VPS52: variants seen among roughly 807,000 people sequenced by gnomAD.
The protein encoded by VPS52 is vacuolar protein sorting-associated protein 52 homolog.
In VPS52, 56 loss-of-function variants were observed where a neutral mutation model predicts 98.7. The observed-to-expected ratio is 0.57, with a 90% CI of 0.46 to 0.71. The LOEUF (loss-of-function observed/expected upper bound fraction) is 0.71. Among genes scored for constraint, VPS52 ranks in the 30% least tolerant of loss-of-function variants. The pLI is 0.00. For missense variants in VPS52, 742 were observed against 925.9 expected, an observed-to-expected ratio of 0.80 and a Z score of 2.58; for synonymous variants, 348 against 346.4, an observed-to-expected ratio of 1.00 and a Z score of -0.05.
intron 17 of VPS52, among the ~76,000 whole-genome samples, chr6:33,253,143 T>TA (rs1290936436): frequency 6.6e-6 from 1 of 151,906 alleles, no homozygotes; most frequent in Non-Finnish European, 1.5e-5. Flanking sequence ...ATCTATAGAC[T>TA]AAAAAAAGAC....
intron 13 of VPS52, 37 bp downstream of exon 13, chr6:33,264,745 G>C (rs6935726): frequency 1.3e-6 from 2 of 1,579,672 alleles, no homozygotes; most frequent in African/African-American, 1.3e-5. Context: ...AAGAGAGTTC[G>C]TGGCCTGTTG....
chr6:33,256,266 A>T lies in VPS52; in HGVS notation c.1795-4295T>A, dbSNP rs1233300245. 2.6e-5 allele frequency among the ~76,000 whole-genome samples: 4 copies of T among 151,936 alleles called. No individual in the cohort carries two copies. In the Middle Eastern group the frequency reaches 0.01, roughly 390 times the overall value. On this transcript the variant is annotated intron_variant, in intron 17 of 19. Transcript: ENST00000445902. ...ACATCTGTAATCCCAGTTTAGTGAG[A>T]CACTACAAAAAATTAAATTTTTAAA... is the stretch of plus-strand genomic sequence containing the variant.
chr6:33,251,667 G>C, intron 18 of VPS52, 31 bp from the exon 19 acceptor site: 3 of 1,556,072 alleles, frequency 1.9e-6, no homozygotes, highest in Non-Finnish European at 1.8e-6. Context: ...TGTCAGAGAG[G>C]GATCTGGCTG....
At position 33,270,290 on chromosome 6, in the gene VPS52, A is replaced by T; in HGVS notation, c.91-7T>A. On this transcript the variant is annotated splice_polypyrimidine_tract_variant and splice_region_variant and intron_variant, in intron 1 of 19. Coordinates refer to ENST00000445902, the MANE Select transcript of VPS52 (RefSeq NM_022553.6). ...GGAGCCCAGGACCACCCGCCTGGAA[A>T]GGGATAAGTTAATGGGAGTAGGGTA... 6.2e-7 allele frequency: 1 copy of T among 1,610,564 alleles called. No individual in the cohort carries two copies. The highest frequency in any genetic ancestry group is 8.5e-7 in the Non-Finnish European group (1 of 1,177,026).
At chr6:33,265,028 A>G in intron 12 of VPS52, 128 bp from the exon 13 acceptor site, 1 of 839,006 alleles carries the variant, frequency 1.2e-6, no homozygotes, top group East Asian at 2.4e-5. Context: ...AGAGACGTAA[A>G]ATGGAACTGC....
At position 33,264,080 on chromosome 6, in the gene VPS52, G is replaced by A; in HGVS notation, c.1548C>T (p.Phe516=). ...GGTTGATACTGACAAGAGCGGAGGA[G>A]AACTCTGCATAGCGGCGTGTGATCT... ...PHYITRRYAE[F]SSALVSINQT... The change falls in exon 15 of 20, where the codon TTC becomes TTT. Residue 516 remains phenylalanine, a synonymous_variant. Transcript: ENST00000445902. The A allele has an allele frequency of 1.2e-6, 2 of 1,614,196 alleles. No individual in the cohort carries two copies. Among genetic ancestry groups the A allele is most frequent in the Non-Finnish European group, 1.7e-6 (2 of 1,180,044 alleles).
In VPS52 at chr6:33,268,714, G is replaced by T; in HGVS notation, c.549-65C>A. On this transcript the variant is annotated intron_variant, in intron 6 of 19. Transcript: ENST00000445902. This position sits in a 1 kb window ranked among gnomAD's most constrained non-coding sequence, Gnocchi z 4.0. ...CCCAGACATCCCTAAACCAGACCCA[G>T]ACCACACTCCTTACCTCCAGCCCCT... The T allele has an allele frequency of 6.6e-7, 1 of 1,519,002 alleles. No individual in the cohort carries two copies. The highest frequency in any genetic ancestry group is 1.2e-5 in the South Asian group (1 of 80,632). The allele number at this position is 1,519,002 out of a possible 1,614,324, so 94.1% of individuals were successfully genotyped here. A position where few individuals can be genotyped will look rare whatever the true frequency, so the allele number is the denominator to read the frequency against.
chr6:33,267,527 T>G lies in VPS52; in HGVS notation c.991+155A>C. 1 of 1,191,140 alleles carries G rather than the reference T, an allele frequency of 8.4e-7. No homozygotes were observed. The highest frequency in any genetic ancestry group is 1.5e-5 in the South Asian group (1 of 68,158). The allele number at this position is 1,191,140 out of a possible 1,614,324, so 73.8% of individuals were successfully genotyped here. On this transcript the variant is annotated intron_variant, in intron 10 of 19. Coordinates refer to ENST00000445902, the MANE Select transcript of VPS52 (RefSeq NM_022553.6). This position sits in a 1 kb window ranked among gnomAD's most constrained non-coding sequence, Gnocchi z 4.2. ...TGCAAAACTATGTGTCAAAATAATG[T>G]GTGCATCTTTCTGGGGAGGGAGGCT...
Position 33,268,577 on chromosome 6 carries a change from G to C in VPS52, c.621C>G (p.Ala207=). 4.3e-6 allele frequency: 7 copies of C among 1,612,146 alleles called. No individual in the cohort carries two copies. Among genetic ancestry groups the C allele is most frequent in the Non-Finnish European group, 5.9e-6 (7 of 1,179,952 alleles). ...CTCTAGCTTCCTGCTCTCTGACTGC[G>C]GCTGCCTTGGCATCCAGCTCCTGTA... ...EQLQELDAKA[A]AVREQEARGT... Residue 207 remains alanine (A), a synonymous_variant, in exon 7 of 20, where the codon GCC becomes GCG. Coordinates refer to ENST00000445902, the MANE Select transcript of VPS52 (RefSeq NM_022553.6). This position sits in a 1 kb window ranked among gnomAD's most constrained non-coding sequence, Gnocchi z 4.0.
intron 1 of VPS52, 151 bp downstream of exon 1, chr6:33,271,435 C>T: frequency 8.8e-7 from 1 of 1,131,024 alleles, no homozygotes; most frequent in South Asian, 1.3e-5. Context: ...CGCTCAGGGT[C>T]GGGTCTGATC....
rs766745882 is a variant in VPS52 at position 33,267,778 on chromosome 6, C to T, written c.934-39G>A. On this transcript the variant is annotated intron_variant, in intron 9 of 19. Transcript: ENST00000445902. This position sits in a 1 kb window ranked among gnomAD's most constrained non-coding sequence, Gnocchi z 4.2. ...AAAGAGAACTGATAACCGTCTCTTC[C>T]CACAACACAATAAAATATTCCTTGC... The T allele has an allele frequency of 1.9e-6, 3 of 1,612,924 alleles. No homozygotes were observed. Among genetic ancestry groups the T allele is most frequent in the South Asian group, 1.1e-5 (1 of 91,074 alleles).
chr6:33,270,381 T>A, intron 1 of VPS52, 98 bp from the exon 2 acceptor site: 1 of 1,142,320 alleles, frequency 8.8e-7, no homozygotes, highest in Non-Finnish European at 1.3e-6. Flanking sequence ...AAGGAGCTGC[T>A]TTTACTGGGA....
intron 12 of VPS52, 73 bp from the exon 13 acceptor site, chr6:33,264,973 C>T (rs1350113553): frequency 1.3e-5 from 17 of 1,322,928 alleles, no homozygotes; most frequent in South Asian, 9.4e-5. Flanking sequence ...TATGAACAAA[C>T]GCATTTGTTT....
At position 33,270,294 on chromosome 6, in the gene VPS52, A is replaced by G. The variant is rs1340394882; in HGVS notation, c.91-11T>C. ...CCCAGGACCACCCGCCTGGAAAGGG[A>G]TAAGTTAATGGGAGTAGGGTACGGT... On this transcript the variant is annotated splice_polypyrimidine_tract_variant and intron_variant, in intron 1 of 19. Transcript: ENST00000445902. 7 of 1,610,018 alleles carry G rather than the reference A, an allele frequency of 4.3e-6. No individual in the cohort carries two copies. The highest frequency in any genetic ancestry group is 1.3e-5 in the African/African-American group (1 of 74,962).
Position 33,268,328 on chromosome 6 carries a change from T to C in VPS52, c.700-120A>G. ...AAGGGTGGTGAATATCTCTTTGGTA[T>C]TTCTCAAGATTTTCAGGGAAACCCA... On this transcript the variant is annotated intron_variant, in intron 7 of 19. Coordinates refer to ENST00000445902, the MANE Select transcript of VPS52 (RefSeq NM_022553.6). The surrounding 1 kb of genome is among the most constrained non-coding windows in gnomAD (Gnocchi z 4.0). 1 of 1,341,472 alleles carries C rather than the reference T, an allele frequency of 7.5e-7. No individual in the cohort carries two copies. Among genetic ancestry groups the C allele is most frequent in the Non-Finnish European group, 1.0e-6 (1 of 962,978 alleles). The allele number at this position is 1,341,472 out of a possible 1,614,324, so 83.1% of individuals were successfully genotyped here. A position where few individuals can be genotyped will look rare whatever the true frequency, so the allele number is the denominator to read the frequency against.
chr6:33,258,126 G>C (rs1276593405), intron 17 of VPS52, among the ~76,000 whole-genome samples: 1 of 152,128 alleles, frequency 6.6e-6, no homozygotes, highest in African/African-American at 2.4e-5. Flanking sequence ...GGTGGCTCAT[G>C]CCTGTAATCC....
Position 33,263,757 on chromosome 6 carries a change from A to G in VPS52, c.1728+15T>C. On this transcript the variant is annotated intron_variant, in intron 16 of 19. Coordinates refer to ENST00000445902, the MANE Select transcript of VPS52 (RefSeq NM_022553.6). ...TTTTCTGGGTAGGAAGGCAAGGAGA[A>G]GGAGCACCTATTACCATCAGCACAC... 1.7e-5 allele frequency: 27 copies of G among 1,614,106 alleles called. No homozygotes were observed. Among genetic ancestry groups the G allele is most frequent in the Non-Finnish European group, 2.3e-5 (27 of 1,179,934 alleles).
rs1764357779 is a variant in VPS52 at position 33,266,692 on chromosome 6, G to A, written c.1146C>T (p.Phe382=). 6.2e-7 allele frequency: 1 copy of A among 1,611,442 alleles called. No individual in the cohort carries two copies. Residue 382 remains phenylalanine (F), a synonymous_variant, in exon 12 of 20, where the codon TTC becomes TTT. Coordinates refer to ENST00000445902, the MANE Select transcript of VPS52 (RefSeq NM_022553.6). Reference sequence around the variant, plus strand: ...CTAGGAGGGCGTAGTGCTGGCTGCGGAAGAGGGCCTCAAATGGATACTGGG... The same window carrying A: ...CTAGGAGGGCGTAGTGCTGGCTGCGAAAGAGGGCCTCAAATGGATACTGGG... ...GEQRYPFEAL[F]RSQHYALLDN...
chr6:33,269,234 G>C, intron 5 of VPS52, 45 bp from the exon 6 acceptor site: 1 of 1,603,610 alleles, frequency 6.2e-7, no homozygotes. Flanking sequence ...GGGTTTGTAG[G>C]GGATAAGTGG....
Sources: gnomAD v4.1 joint callset for allele counts (sites outside exome capture counted in the v4.1 genomes callset) on GRCh38, gnomAD v4.1.1 for gene constraint, Gnocchi (gnomAD v3.1) non-coding constraint, MANE v1.5 for transcripts, NCBI Gene and HGNC (gene_info 2026-07-23, HGNC 2026-07-21) for gene names.